The following BAZ2B variants were observed in gnomAD, a reference collection of about 807,000 sequenced individuals.
BAZ2B encodes the protein bromodomain adjacent to zinc finger domain protein 2B.
In BAZ2B, 91 loss-of-function variants were observed where a neutral mutation model predicts 246.0. The ratio of observed to expected loss-of-function variants is 0.37; its 90% CI spans 0.31 to 0.44. BAZ2B has a LOEUF of 0.44. Among genes scored for constraint, BAZ2B ranks in the 20% least tolerant of loss-of-function variants. BAZ2B has a pLI of 1.00. For synonymous variants in BAZ2B, 855 were observed against 860.0 expected (o/e 0.99, Z 0.10); for missense variants, 2,332 against 2,533.7 (o/e 0.92, Z 1.71).
intron 13 of BAZ2B, among the ~76,000 whole-genome samples, chr2:159,421,227 T>G (rs2068691305): frequency 6.6e-6 from 1 of 151,654 alleles, no homozygotes; most frequent in Non-Finnish European, 1.5e-5. Flanking sequence ...TAGGCTGGAG[T>G]ACAATGGCAT....
chr2:159,322,284 T>A (rs923777048), intron 36 of BAZ2B, among the ~76,000 whole-genome samples: 2 of 152,208 alleles, frequency 1.3e-5, no homozygotes, highest in Non-Finnish European at 2.9e-5. Flanking sequence ...GAAATTCACA[T>A]AAAATTAACC....
intron 27 of BAZ2B, among the ~76,000 whole-genome samples, chr2:159,364,081 A>C (rs1314940270): frequency 6.6e-6 from 1 of 152,158 alleles, no homozygotes; most frequent in Non-Finnish European, 1.5e-5. Flanking sequence ...TTTCAAACTC[A>C]AGGAGAAATA....
At chr2:159,566,590 C>G (rs1682655720) in intron 1 of BAZ2B, among the ~76,000 whole-genome samples, 1 of 152,172 alleles carries the variant, frequency 6.6e-6, no homozygotes, top group Non-Finnish European at 1.5e-5. Context: ...ATTCACATAT[C>G]AATCATTTAC....
chr2:159,446,559 G>T (rs1345202185), intron 6 of BAZ2B, among the ~76,000 whole-genome samples: 1 of 152,114 alleles, frequency 6.6e-6, no homozygotes, highest in African/African-American at 2.4e-5. Flanking sequence ...TATATGAAAA[G>T]CAATTAGAGC....
chr2:159,475,748 C>G (rs934809429), intron 3 of BAZ2B, among the ~76,000 whole-genome samples: 1 of 152,144 alleles, frequency 6.6e-6, no homozygotes, highest in African/African-American at 2.4e-5. Flanking sequence ...GTGTAGACAT[C>G]CTTTTTGTTG....
chr2:159,627,002 T>A, the BAZ2B span, among the ~76,000 whole-genome samples: 3 of 152,006 alleles, frequency 2.0e-5, no homozygotes, highest in East Asian at 5.8e-4. Context: ...ACTGATACCA[T>A]AGACATACAA....
At position 159,349,763 on chromosome 2, in the gene BAZ2B, C is replaced by T; in HGVS notation, c.4808G>A (p.Gly1603Glu). ...GCCAACAGGATTCTGAGCAGAAGAT[C>T]CAAGAGGAGCTGGGGTAGGTGAAGG... ...KSPSPTPAPL[G>E]SSAQNPVGLN... The change falls in exon 28 of 37, where the codon GGA becomes GAA. Residue 1603 changes from glycine to glutamate, a missense_variant. Physicochemically the swap from Gly to Glu is moderately conservative, Grantham distance 98. Around this residue, in one of 9 missense-constraint regions of BAZ2B, gnomAD observed 676 missense variants for 668.6 expected, o/e 1.01. Coordinates refer to ENST00000392783, the MANE Select transcript of BAZ2B (RefSeq NM_013450.4). The T allele has an allele frequency of 6.2e-7, 1 of 1,614,016 alleles. No individual in the cohort carries two copies. Among genetic ancestry groups the T allele is most frequent in the Non-Finnish European group, 8.5e-7 (1 of 1,179,976 alleles).
rs1367958012 is a variant in BAZ2B at position 159,325,130 on chromosome 2, T to C, written c.6210-176A>G. Reference sequence around the variant, plus strand: ...TATATATATATTTTATATATATATATATATATATATATATATATGAGATAG... The same window carrying C: ...TATATATATATTTTATATATATATACATATATATATATATATATGAGATAG... On this transcript the variant is annotated intron_variant, in intron 35 of 36. Transcript: ENST00000392783. Among the ~76,000 whole-genome samples, 24 of 34,584 alleles carry C rather than the reference T, an allele frequency of 6.9e-4. 1 individual carries two copies. Among genetic ancestry groups the C allele is most frequent in the South Asian group, 5.2e-3 (4 of 764 alleles). 22.7% of individuals were successfully genotyped at this position (34,584 alleles called of 152,430 possible). A position where few individuals can be genotyped will look rare whatever the true frequency, so the allele number is the denominator to read the frequency against.
intron 14 of BAZ2B, among the ~76,000 whole-genome samples, chr2:159,405,559 T>G (rs1271158548): frequency 6.6e-6 from 1 of 152,138 alleles, no homozygotes; most frequent in Non-Finnish European, 1.5e-5. Context: ...AGATACCAAG[T>G]AGAAGAGTGG....
chr2:159,650,656 G>C, the BAZ2B span, among the ~76,000 whole-genome samples: 1 of 152,130 alleles, frequency 6.6e-6, no homozygotes, highest in East Asian at 1.9e-4. Context: ...ATCTTCTGCA[G>C]ATCTCTGGAG....
At chr2:159,481,614 T>C (rs2079237828) in intron 2 of BAZ2B, among the ~76,000 whole-genome samples, 1 of 151,838 alleles carries the variant, frequency 6.6e-6, no homozygotes, top group African/African-American at 2.4e-5. Flanking sequence ...TATAACAAAA[T>C]ATCAACATCA....
At chr2:159,540,384 C>A (rs1389862625) in intron 2 of BAZ2B, among the ~76,000 whole-genome samples, 1 of 152,114 alleles carries the variant, frequency 6.6e-6, no homozygotes, top group East Asian at 1.9e-4. Context: ...AACTGAGGTA[C>A]ACAAAAATAA....
At chr2:159,328,731 T>C (rs2064156837) in intron 34 of BAZ2B, among the ~76,000 whole-genome samples, 2 of 152,200 alleles carry the variant, frequency 1.3e-5, no homozygotes, top group African/African-American at 2.4e-5. Flanking sequence ...TATGTGAGTT[T>C]GTGTGTGTAT....
chr2:159,508,593 T>A (rs1419425827), intron 2 of BAZ2B, among the ~76,000 whole-genome samples: 1 of 135,778 alleles, frequency 7.4e-6, no homozygotes, highest in Admixed American at 7.3e-5. Context: ...GCAAATTGCC[T>A]CAGAGGTTTG....
chr2:159,551,207 C>A (rs986472149), intron 2 of BAZ2B, among the ~76,000 whole-genome samples: 1 of 152,092 alleles, frequency 6.6e-6, no homozygotes, highest in Non-Finnish European at 1.5e-5. Context: ...CGGTGGCTCA[C>A]GCCTATAATC....
intron 1 of BAZ2B, among the ~76,000 whole-genome samples, chr2:159,562,405 G>GC (rs1330370619): frequency 6.6e-6 from 1 of 152,176 alleles, no homozygotes; most frequent in Non-Finnish European, 1.5e-5. Flanking sequence ...TAAGCTGCCT[G>GC]TTTTTCCACA....
Position 159,348,702 on chromosome 2 carries a change from G to C in BAZ2B, c.5269C>G (p.Gln1757Glu), listed in dbSNP as rs773465437. The change falls in exon 30 of 37, where the codon CAA becomes GAA. Residue 1757 changes from glutamine (Q) to glutamate (E), a missense_variant. By Grantham distance (29) the Gln-to-Glu change is conservative (BLOSUM62 2). Transcript: ENST00000392783. ...QIQKHLDYIT[Q>E]ACLKNKDVAI... ...CCATCCTTATTCTTGAGGCAGGCTT[G>C]AGTAATATAATCCAAATGTTTCTGA... 3 of 1,607,854 alleles carry C rather than the reference G, an allele frequency of 1.9e-6. No homozygotes were observed. The highest frequency in any genetic ancestry group is 1.1e-5 in the South Asian group (1 of 89,068).
intron 20 of BAZ2B, chr2:159,395,299 T>C (rs62171537): frequency 0.052 from 7,926 of 152,566 alleles, 274 homozygotes; most frequent in Middle Eastern, 0.14. Context: ...CTGATTGTAC[T>C]GCAATAATTT....
At chr2:159,678,238 A>C in the BAZ2B span, among the ~76,000 whole-genome samples, 1 of 152,224 alleles carries the variant, frequency 6.6e-6, no homozygotes, top group Admixed American at 6.5e-5. Context: ...GTACAAACTC[A>C]TTCCATTGAA....
Sources: allele counts gnomAD v4.1 joint callset (sites outside exome capture counted in the v4.1 genomes callset), GRCh38; gene constraint gnomAD v4.1.1; regional missense constraint gnomAD v4.1.1; transcripts MANE v1.5; gene names NCBI Gene and HGNC (gene_info 2026-07-23, HGNC 2026-07-21).